Variants in SAP30L observed in about 807,000 individuals in gnomAD.
SAP30L encodes the protein histone deacetylase complex subunit SAP30L.
Under a neutral mutation model 22.3 loss-of-function variants are expected in SAP30L, and 10 were observed. That is an observed-to-expected ratio of 0.45 (90% CI 0.28 to 0.76). SAP30L has a LOEUF of 0.76. SAP30L is among the 30% of genes least tolerant of loss of function. SAP30L has a pLI of 0.14. For synonymous variants in SAP30L, 91 were observed against 94.1 expected (o/e 0.97, Z 0.19); for missense variants, 206 against 237.9 (o/e 0.87, Z 0.88).
chr5:154,450,504 G>T (rs1242610320), intron 1 of SAP30L, among the ~76,000 whole-genome samples: 2 of 152,064 alleles, frequency 1.3e-5, no homozygotes, highest in Non-Finnish European at 2.9e-5. Flanking sequence ...CATTCCAGTC[G>T]ACTATAAGTT....
chr5:154,452,972 C>G (rs374678086), intron 2 of SAP30L: 1 of 163,928 alleles, frequency 6.1e-6, no homozygotes, highest in African/African-American at 2.4e-5. Context: ...TGCGCCATCG[C>G]CCTCCACCCT....
chr5:154,447,439 G>A (rs987708216), intron 1 of SAP30L, among the ~76,000 whole-genome samples: 1 of 152,172 alleles, frequency 6.6e-6, no homozygotes, highest in African/African-American at 2.4e-5. Context: ...GAAATAAGGG[G>A]GTGGATATTT....
rs1043099792 is a variant in SAP30L at position 154,460,155 on chromosome 5, T to G, written c.*4127T>G. On this transcript the variant is annotated 3_prime_UTR_variant, in exon 4 of 4. Transcript: ENST00000297109. Reference sequence around the variant, plus strand: ...TGAGCAGAAATTCCCAAGGCCAACCTAGCTCTCAGGGACCAACCTGCAGAA... The same window carrying G: ...TGAGCAGAAATTCCCAAGGCCAACCGAGCTCTCAGGGACCAACCTGCAGAA... 1 of 152,226 alleles carries G rather than the reference T, an allele frequency of 6.6e-6. No individual in the cohort carries two copies. The highest frequency in any genetic ancestry group is 1.5e-5 in the Non-Finnish European group (1 of 68,044). 9.4% of individuals were successfully genotyped at this position (152,226 alleles called of 1,614,324 possible). A position where few individuals can be genotyped will look rare whatever the true frequency, so the allele number is the denominator to read the frequency against.
In SAP30L at chr5:154,456,622, C is replaced by T. The variant is rs909869511; in HGVS notation, c.*594C>T. 3 of 152,396 alleles carry T rather than the reference C, an allele frequency of 2.0e-5. No homozygotes were observed. Among genetic ancestry groups the T allele is most frequent in the Non-Finnish European group, 2.9e-5 (2 of 68,164 alleles). 9.4% of individuals were successfully genotyped at this position (152,396 alleles called of 1,614,324 possible). A position where few individuals can be genotyped will look rare whatever the true frequency, so the allele number is the denominator to read the frequency against. ...AATAGTGCCAGCCTTGTAACATCCG[C>T]TTCACACCTCTCATGACTGAGACCT... On this transcript the variant is annotated 3_prime_UTR_variant, in exon 4 of 4. Coordinates refer to ENST00000297109, the MANE Select transcript of SAP30L (RefSeq NM_024632.6).
chr5:154,451,394 C>G lies in SAP30L; in HGVS notation c.324+181C>G, dbSNP rs1052964164. On this transcript the variant is annotated intron_variant, in intron 2 of 3. Transcript: ENST00000297109. ...TGAGAGCTAAAAGCTTGGACACCCA[C>G]TGGTCAGACTGCCCCATCATTTTAC... 8 of 651,536 alleles carry G rather than the reference C, an allele frequency of 1.2e-5. No individual in the cohort carries two copies. In the African/African-American group the frequency reaches 1.3e-4, roughly 10 times the overall value. The allele number at this position is 651,536 out of a possible 1,614,324, so 40.4% of individuals were successfully genotyped here. A position where few individuals can be genotyped will look rare whatever the true frequency, so the allele number is the denominator to read the frequency against.
chr5:154,450,385 A>G (rs1253321988), intron 1 of SAP30L, among the ~76,000 whole-genome samples: 1 of 152,266 alleles, frequency 6.6e-6, no homozygotes, highest in Non-Finnish European at 1.5e-5. Flanking sequence ...AAAGTTTTTC[A>G]AAGAGTTATT....
chr5:154,451,643 C>G (rs1194512838), intron 2 of SAP30L, among the ~76,000 whole-genome samples: 2 of 152,114 alleles, frequency 1.3e-5, no homozygotes, highest in African/African-American at 4.8e-5. Context: ...TCAGTTCATA[C>G]CAGCTCTGAT....
intron 3 of SAP30L, 51 bp downstream of exon 3, chr5:154,453,551 G>T: frequency 8.3e-7 from 1 of 1,203,756 alleles, no homozygotes; most frequent in Non-Finnish European, 1.2e-6. Context: ...TGCTGCTTCT[G>T]ATGGTTACCC....
intron 1 of SAP30L, among the ~76,000 whole-genome samples, chr5:154,447,055 C>G (rs892469056): frequency 3.9e-5 from 6 of 152,398 alleles, no homozygotes; most frequent in South Asian, 4.1e-4. Context: ...GATTGGACAG[C>G]AGTTTCCAAC....
chr5:154,447,904 T>C (rs1354610262), intron 1 of SAP30L, among the ~76,000 whole-genome samples: 1 of 152,062 alleles, frequency 6.6e-6, no homozygotes, highest in East Asian at 1.9e-4. Context: ...ACATAAGTCT[T>C]CATTAAGTCT....
At chr5:154,452,068 C>T (rs1757153285) in intron 2 of SAP30L, among the ~76,000 whole-genome samples, 1 of 152,198 alleles carries the variant, frequency 6.6e-6, no homozygotes, top group Non-Finnish European at 1.5e-5. Context: ...ATTGTTTTCA[C>T]TCAAGACTCA....
chr5:154,453,053 C>T (rs1757184407), intron 2 of SAP30L: 1 of 201,524 alleles, frequency 5.0e-6, no homozygotes, highest in Non-Finnish European at 1.0e-5. Flanking sequence ...ATCACAGTTG[C>T]CTGTGACCCC....
At chr5:154,453,364 T>G in intron 2 of SAP30L, 38 bp from the exon 3 acceptor site, 1 of 1,474,166 alleles carries the variant, frequency 6.8e-7, no homozygotes, top group Non-Finnish European at 9.5e-7. Flanking sequence ...TCCTGGGTGG[T>G]CAGGTGATGG....
Position 154,446,391 on chromosome 5 carries a change from G to A in SAP30L, c.-214G>A. 1 of 405,858 alleles carries A rather than the reference G, an allele frequency of 2.5e-6. No individual in the cohort carries two copies. Among genetic ancestry groups the A allele is most frequent in the East Asian group, 3.8e-5 (1 of 26,326 alleles). 25.1% of individuals were successfully genotyped at this position (405,858 alleles called of 1,614,324 possible). On this transcript the variant is annotated 5_prime_UTR_variant, in exon 1 of 4. Transcript: ENST00000297109. ...GCGAGCCGCGGGAGCCGACCCCGGGGCCTCGAGCCGGGAGGAAGGGGGCTT... is the reference window on the plus strand; with the variant it reads ...GCGAGCCGCGGGAGCCGACCCCGGGACCTCGAGCCGGGAGGAAGGGGGCTT...
intron 1 of SAP30L, among the ~76,000 whole-genome samples, chr5:154,448,953 T>G (rs750881211): frequency 2.5e-4 from 38 of 152,156 alleles, no homozygotes; most frequent in Non-Finnish European, 5.3e-4. Flanking sequence ...TTACAAGAAT[T>G]TTTAGCTATT....
chr5:154,447,163 C>T (rs1288443031), intron 1 of SAP30L, among the ~76,000 whole-genome samples: 2 of 152,244 alleles, frequency 1.3e-5, no homozygotes, highest in Middle Eastern at 3.2e-3. Flanking sequence ...TGAAGATACC[C>T]GGCTCTTTTC....
At chr5:154,449,198 T>C (rs541093744) in intron 1 of SAP30L, among the ~76,000 whole-genome samples, 1 of 152,352 alleles carries the variant, frequency 6.6e-6, no homozygotes, top group African/African-American at 2.4e-5. Context: ...ACTTTGGCAG[T>C]GTTCTGTGAT....
rs1757287970 is a variant in SAP30L, at chr5:154,457,493, T to TA, written c.*1467dup. ...CTGGCAGAGAGTTTCACAGATGACT[T>TA]AATCTGAGCACCATCACAGAGAAGT... On this transcript the variant is annotated 3_prime_UTR_variant, in exon 4 of 4. Coordinates refer to ENST00000297109, the MANE Select transcript of SAP30L (RefSeq NM_024632.6). 1.3e-5 allele frequency: 2 copies of TA among 152,158 alleles called. No individual in the cohort carries two copies. The highest frequency in any genetic ancestry group is 4.8e-5 in the African/African-American group (2 of 41,434). The allele number at this position is 152,158 out of a possible 1,614,324, so 9.4% of individuals were successfully genotyped here.
At position 154,449,558 on chromosome 5, in the gene SAP30L, G is replaced by A. The variant is rs180867615; in HGVS notation, c.202-1533G>A. Among the ~76,000 whole-genome samples, 30 of 152,326 alleles carry A rather than the reference G, an allele frequency of 2.0e-4. 1 individual carries two copies. In the East Asian group the frequency reaches 5.8e-3, roughly 29 times the overall value. ...CTATGAAGTTTGTTACTGTGAACTT[G>A]AGGAGCAGTTGATCTGAGTGGACTC... On this transcript the variant is annotated intron_variant, in intron 1 of 3. Transcript: ENST00000297109.
Sources: allele counts gnomAD v4.1 joint callset (sites outside exome capture counted in the v4.1 genomes callset), GRCh38; gene constraint gnomAD v4.1.1; transcripts MANE v1.5; gene names NCBI Gene and HGNC (gene_info 2026-07-23, HGNC 2026-07-21).